The following BRSK2 variants were observed in gnomAD, a reference collection of about 807,000 sequenced individuals.
BRSK2 encodes BR serine/threonine kinase 2.
In BRSK2, 19 loss-of-function variants were observed where a neutral mutation model predicts 83.3. That is an observed-to-expected ratio of 0.23 (90% confidence interval 0.16 to 0.33). The LOEUF (loss-of-function observed/expected upper bound fraction) is 0.33. Among genes scored for constraint, BRSK2 ranks in the 10% least tolerant of loss-of-function variants. BRSK2 has a pLI of 1.00. For missense variants in BRSK2, 798 were observed against 1,042.3 expected (o/e 0.77, Z 3.23); for synonymous variants, 519 against 435.4 (o/e 1.19, Z -2.39).
intron 1 of BRSK2, among the ~76,000 whole-genome samples, chr11:1,404,294 G>A (rs865924804): frequency 2.0e-5 from 3 of 152,170 alleles, no homozygotes; most frequent in Admixed American, 6.5e-5. Context: ...TCTGGGCCCC[G>A]TGTCCTTGAT....
intron 19 of BRSK2, 140 bp downstream of exon 19, chr11:1,459,379 C>A: frequency 6.6e-6 from 6 of 913,914 alleles, no homozygotes; most frequent in Non-Finnish European, 1.1e-5. Flanking sequence ...CAGATGTCCC[C>A]GGCCCCATCC....
intron 1 of BRSK2, among the ~76,000 whole-genome samples, chr11:1,395,123 A>C (rs1254334085): frequency 1.3e-5 from 2 of 152,168 alleles, no homozygotes; most frequent in African/African-American, 4.8e-5. Context: ...AGACCCCAGG[A>C]ATTCTGTGGC....
chr11:1,440,918 C>T lies in BRSK2; in HGVS notation c.403C>T (p.His135Tyr). 6.2e-7 allele frequency: 1 copy of T among 1,608,900 alleles called. No individual in the cohort carries two copies. The highest frequency in any genetic ancestry group is 8.5e-7 in the Non-Finnish European group (1 of 1,178,726). ...CTCTGCGCTGGACTTCTGCCACAGC[C>T]ACTCCATATGGTGAGGCCCCACCCC... ...IISALDFCHSHSICHRDLKPE... is the reference protein window; with the variant it reads ...IISALDFCHSYSICHRDLKPE... Residue 135 changes from histidine (H) to tyrosine (Y), a missense_variant, in exon 4 of 20, where the codon CAC becomes TAC. Transcript: ENST00000528841.
intron 1 of BRSK2, among the ~76,000 whole-genome samples, chr11:1,426,790 C>T (rs1032289446): frequency 2.6e-5 from 4 of 152,118 alleles, no homozygotes; most frequent in African/African-American, 4.8e-5. Context: ...CAGGATGTGG[C>T]GGGGCTGCTG....
chr11:1,448,059 G>A (rs1852399648), intron 12 of BRSK2, among the ~76,000 whole-genome samples: 2 of 152,146 alleles, frequency 1.3e-5, no homozygotes, highest in Non-Finnish European at 2.9e-5. Context: ...GCTGAGGCGT[G>A]GCCCACGCCT....
chr11:1,450,505 G>A (rs1845686312), intron 13 of BRSK2, 82 bp from the exon 14 acceptor site: 3 of 677,046 alleles, frequency 4.4e-6, no homozygotes, highest in South Asian at 3.8e-5. Context: ...CACCACCCCT[G>A]GGCCCGCCTG....
chr11:1,398,492 G>C (rs953692798), intron 1 of BRSK2, among the ~76,000 whole-genome samples: 1 of 152,162 alleles, frequency 6.6e-6, no homozygotes, highest in African/African-American at 2.4e-5. Context: ...GGGATACAGG[G>C]GGTGGAGAGG....
At chr11:1,394,712 CTGGAGATGGGCCA>C (rs1845954000) in intron 1 of BRSK2, among the ~76,000 whole-genome samples, 1 of 117,614 alleles carries the variant, frequency 8.5e-6, no homozygotes, top group Admixed American at 8.5e-5. Context: ...AGATGGGTCC[CTGGAGATGGGCCA>C]TGGAGATGGG....
intron 1 of BRSK2, among the ~76,000 whole-genome samples, chr11:1,416,746 T>C (rs1248821197): frequency 6.6e-6 from 1 of 152,212 alleles, no homozygotes; most frequent in Non-Finnish European, 1.5e-5. Flanking sequence ...TGTTTCGCAG[T>C]GACCCACCTT....
intron 15 of BRSK2, among the ~76,000 whole-genome samples, chr11:1,452,130 G>A (rs1319240896): frequency 6.6e-6 from 1 of 152,190 alleles, no homozygotes; most frequent in Non-Finnish European, 1.5e-5. Context: ...TCACTTCACA[G>A]GAGACCCCGG....
rs139169322 is a variant in BRSK2 at position 1,407,056 on chromosome 11, A to C, written c.91+16681A>C. ...CGGAGGCTCCTAGGGTTTCCCAGGG[A>C]AGGGGGTCCCAACGTCACCACAGCG... On this transcript the variant is annotated intron_variant, in intron 1 of 19. Coordinates refer to ENST00000528841, the MANE Select transcript of BRSK2 (RefSeq NM_001256627.2). Among the ~76,000 whole-genome samples the C allele has an allele frequency of 5.6e-3, 846 of 152,208 alleles. 2 individuals are homozygous for C. The highest frequency in any genetic ancestry group is 0.016 in the South Asian group (79 of 4,826).
In BRSK2 at chr11:1,390,505, G is replaced by T. The variant is rs1845654465; in HGVS notation, c.91+130G>T. ...CCCGGGCCCCGGCCGCGAACAATGG[G>T]CGGCCCGTGCGCCCCCGTCCGCTCG... On this transcript the variant is annotated intron_variant, in intron 1 of 19. Coordinates refer to ENST00000528841, the MANE Select transcript of BRSK2 (RefSeq NM_001256627.2). This position sits in a 1 kb window ranked among gnomAD's most constrained non-coding sequence, Gnocchi z 6.8. 3.3e-6 allele frequency: 1 copy of T among 300,904 alleles called. No individual in the cohort carries two copies. Among genetic ancestry groups the T allele is most frequent in the Non-Finnish European group, 4.8e-6 (1 of 206,724 alleles). The allele number at this position is 300,904 out of a possible 1,614,324, so 18.6% of individuals were successfully genotyped here. A position where few individuals can be genotyped will look rare whatever the true frequency, so the allele number is the denominator to read the frequency against.
chr11:1,442,897 G>A (rs548098092), intron 5 of BRSK2, among the ~76,000 whole-genome samples: 3 of 152,186 alleles, frequency 2.0e-5, no homozygotes, highest in South Asian at 4.1e-4. Context: ...CTGCCCAGCC[G>A]AGTGGGCAGA....
In BRSK2 at chr11:1,439,707, C is replaced by A. The variant is rs568327816; in HGVS notation, c.273-1081C>A. 2.6e-4 allele frequency among the ~76,000 whole-genome samples: 40 copies of A among 152,104 alleles called. 1 individual carries two copies. The South Asian group carries it at 7.3e-3, about 28-fold the overall frequency. On this transcript the variant is annotated intron_variant, in intron 3 of 19. Coordinates refer to ENST00000528841, the MANE Select transcript of BRSK2 (RefSeq NM_001256627.2). ...TGCTGAGCCTTGGGCCTGGCCGCCC[C>A]CCTGCCCAGAATCCCACCCTGGCCC...
intron 18 of BRSK2, among the ~76,000 whole-genome samples, 181 bp from the exon 19 acceptor site, chr11:1,459,011 T>G (rs1847032678): frequency 6.6e-6 from 1 of 151,854 alleles, no homozygotes; most frequent in African/African-American, 2.4e-5. Context: ...GCCCCTGCAC[T>G]GCCCCTTATA....
In BRSK2 at chr11:1,454,597, G is replaced by T; in HGVS notation, c.1657G>T (p.Ala553Ser). ...LSSIKADIVH[A>S]FLSIPSLSHS... ...CTCCATCAAGGCTGACATCGTGCAC[G>T]CCTTCCTGTCGGTGAGGCCACAGGG... is the stretch of plus-strand genomic sequence containing the variant. The change falls in exon 16 of 20, where the codon GCC becomes TCC. Residue 553 changes from alanine (A) to serine (S), a missense_variant. Ala to Ser is a moderately conservative substitution (Grantham distance 99). Coordinates refer to ENST00000528841, the MANE Select transcript of BRSK2 (RefSeq NM_001256627.2). The surrounding 1 kb of genome is among the most constrained non-coding windows in gnomAD (Gnocchi z 5.2). 6.2e-7 allele frequency: 1 copy of T among 1,612,980 alleles called. No homozygotes were observed. Among genetic ancestry groups the T allele is most frequent in the Non-Finnish European group, 8.5e-7 (1 of 1,179,916 alleles).
chr11:1,453,693 G>GA (rs1216356058), intron 15 of BRSK2: 2 of 151,328 alleles, frequency 1.3e-5, no homozygotes, highest in Non-Finnish European at 2.9e-5. Flanking sequence ...AGGCCGCTGG[G>GA]AGGGGCCTCA....
chr11:1,417,101 G>A (rs1165766941), intron 1 of BRSK2, among the ~76,000 whole-genome samples: 1 of 152,186 alleles, frequency 6.6e-6, no homozygotes, highest in Non-Finnish European at 1.5e-5. Context: ...GGAGTTTGCG[G>A]TGAGCTGAGA....
chr11:1,459,947 C>T (rs1847201652), intron 19 of BRSK2, among the ~76,000 whole-genome samples: 1 of 152,198 alleles, frequency 6.6e-6, no homozygotes, highest in African/African-American at 2.4e-5. Context: ...CACCCTCTCC[C>T]TGTCATCCAC....
Sources: allele counts gnomAD v4.1 joint callset (sites outside exome capture counted in the v4.1 genomes callset), GRCh38; gene constraint gnomAD v4.1.1; non-coding constraint Gnocchi (gnomAD v3.1); transcripts MANE v1.5; gene names NCBI Gene and HGNC (gene_info 2026-07-23, HGNC 2026-07-21).